Variants in SLC16A2 observed in about 807,000 individuals in gnomAD.
SLC16A2 encodes solute carrier family 16 member 2, also known as monocarboxylate transporter 8.
Under a neutral mutation model 27.2 loss-of-function variants are expected in SLC16A2, and 3 were observed. The observed-to-expected ratio is 0.11, with a 90% confidence interval of 0.05 to 0.28. The LOEUF (loss-of-function observed/expected upper bound fraction) is 0.28, where lower values mean the gene tolerates loss of function less well. Ranked by LOEUF, SLC16A2 falls within the 10% of genes least tolerant of loss-of-function variation. SLC16A2 has a pLI of 1.00. For synonymous variants in SLC16A2, 202 were observed against 187.8 expected (o/e 1.08, Z -0.62); for missense variants, 295 against 458.5 (o/e 0.64, Z 3.26).
intron 1 of SLC16A2, among the ~76,000 whole-genome samples, chrX:74,441,082 G>A (rs182783606): frequency 0.011 from 1,180 of 108,197 alleles, 13 homozygotes; most frequent in African/African-American, 0.036. Flanking sequence ...TTTTTAGACG[G>A]AGTCTGTCTC....
chrX:74,438,833 G>A (rs1296084276), intron 1 of SLC16A2, among the ~76,000 whole-genome samples: 3 of 111,886 alleles, frequency 2.7e-5, no homozygotes, highest in Non-Finnish European at 5.6e-5. Context: ...TAGCACAGCT[G>A]CTGCAAAAAT....
At chrX:74,498,617 T>C (rs1228507657) in intron 1 of SLC16A2, among the ~76,000 whole-genome samples, 1 of 112,138 alleles carries the variant, frequency 8.9e-6, no homozygotes, top group Admixed American at 9.5e-5. Flanking sequence ...CTTATTTCTC[T>C]ACTGCAATAG....
chrX:74,427,805 G>A (rs1192704785), intron 1 of SLC16A2, among the ~76,000 whole-genome samples: 3 of 70,831 alleles, frequency 4.2e-5, no homozygotes, highest in Non-Finnish European at 7.8e-5. Flanking sequence ...ACGCGTGCAC[G>A]CGCGCGCACA....
intron 1 of SLC16A2, among the ~76,000 whole-genome samples, chrX:74,493,478 C>T (rs1482118571): frequency 8.9e-6 from 1 of 112,179 alleles, no homozygotes; most frequent in Non-Finnish European, 1.9e-5. Context: ...ACCCATGAGA[C>T]TGCCAGGCCA....
At chrX:74,440,614 AAG>A (rs768194833) in intron 1 of SLC16A2, among the ~76,000 whole-genome samples, 93 of 105,713 alleles carry the variant, frequency 8.8e-4, no homozygotes, top group Non-Finnish European at 1.5e-3. Flanking sequence ...TTCAGAAGAG[AAG>A]AGAGAGAGAG....
intron 1 of SLC16A2, among the ~76,000 whole-genome samples, chrX:74,520,634 T>C (rs1930390307): frequency 8.9e-6 from 1 of 111,751 alleles, no homozygotes; most frequent in African/African-American, 3.3e-5. Flanking sequence ...TCTTATCGTC[T>C]TCACAGGGTT....
At chrX:74,458,295 A>G (rs2147847977) in intron 1 of SLC16A2, among the ~76,000 whole-genome samples, 1 of 112,374 alleles carries the variant, frequency 8.9e-6, no homozygotes, top group African/African-American at 3.2e-5. Flanking sequence ...GTTAATTAAC[A>G]CATCCATCAC....
chrX:74,467,337 G>A (rs1929270721), intron 1 of SLC16A2, among the ~76,000 whole-genome samples: 1 of 111,475 alleles, frequency 9.0e-6, no homozygotes, highest in South Asian at 3.8e-4. Flanking sequence ...AGGCTAAGGG[G>A]GGGCTTCTAA....
intron 1 of SLC16A2, among the ~76,000 whole-genome samples, chrX:74,502,946 T>C (rs760480876): frequency 9.1e-6 from 1 of 110,024 alleles, no homozygotes; most frequent in Non-Finnish European, 1.9e-5. Flanking sequence ...ACTGGCCAGA[T>C]CTTTGGATTG....
At chrX:74,452,987 C>G (rs1928969882) in intron 1 of SLC16A2, among the ~76,000 whole-genome samples, 1 of 110,579 alleles carries the variant, frequency 9.0e-6, no homozygotes, top group Non-Finnish European at 1.9e-5. Context: ...TCCTAGGTAT[C>G]TCTCACACAT....
At chrX:74,463,619 CG>C (rs983513633) in intron 1 of SLC16A2, among the ~76,000 whole-genome samples, 7 of 110,921 alleles carry the variant, frequency 6.3e-5, no homozygotes, top group African/African-American at 2.3e-4. Context: ...CTCCTCCTCC[CG>C]GGTTCATGCC....
At chrX:74,478,224 G>C (rs1020913584) in intron 1 of SLC16A2, among the ~76,000 whole-genome samples, 7 of 111,446 alleles carry the variant, frequency 6.3e-5, no homozygotes, top group East Asian at 2.8e-4. Flanking sequence ...TTGAATTGAT[G>C]CCTTTACCAT....
At chrX:74,468,522 A>T (rs1348394067) in intron 1 of SLC16A2, among the ~76,000 whole-genome samples, 1 of 112,048 alleles carries the variant, frequency 8.9e-6, no homozygotes, top group Admixed American at 9.5e-5. Context: ...TTACAAATTC[A>T]TGGACATTTC....
At chrX:74,530,581 C>T (rs1369115882) in intron 5 of SLC16A2, among the ~76,000 whole-genome samples, 1 of 112,248 alleles carries the variant, frequency 8.9e-6, no homozygotes, top group African/African-American at 3.2e-5. Flanking sequence ...AACAGCCACA[C>T]TACCCATTGG....
At chrX:74,428,548 T>C (rs1928461811) in intron 1 of SLC16A2, among the ~76,000 whole-genome samples, 1 of 111,124 alleles carries the variant, frequency 9.0e-6, no homozygotes, top group Admixed American at 9.6e-5. Context: ...ACAATTGGGG[T>C]TTGGGATGTT....
intron 1 of SLC16A2, among the ~76,000 whole-genome samples, chrX:74,491,505 A>G: frequency 9.0e-6 from 1 of 111,681 alleles, no homozygotes; most frequent in East Asian, 2.8e-4. Flanking sequence ...ATACATTGTA[A>G]ATGTTTCTTA....
chrX:74,491,650 T>C (rs1929827521), intron 1 of SLC16A2, among the ~76,000 whole-genome samples: 1 of 112,045 alleles, frequency 8.9e-6, no homozygotes, highest in South Asian at 3.8e-4. Flanking sequence ...AGGAAGTCCA[T>C]TCAGATGGTT....
chrX:74,443,662 T>A (rs1317079564), intron 1 of SLC16A2, among the ~76,000 whole-genome samples: 9 of 112,251 alleles, frequency 8.0e-5, no homozygotes, highest in Non-Finnish European at 1.7e-4. Flanking sequence ...AATATCTCTT[T>A]AAATTGGCAA....
At chrX:74,521,655 T>C (rs1462512825) in intron 2 of SLC16A2, among the ~76,000 whole-genome samples, 2 of 112,396 alleles carry the variant, frequency 1.8e-5, no homozygotes, top group African/African-American at 6.5e-5. Context: ...AATCTTATGC[T>C]GAAAAAAGAG....
Sources: allele counts gnomAD v4.1 joint callset (sites outside exome capture counted in the v4.1 genomes callset), GRCh38; gene constraint gnomAD v4.1.1; transcripts MANE v1.5; gene names NCBI Gene and HGNC (gene_info 2026-07-23, HGNC 2026-07-21).